SEMA5B: variants seen among roughly 807,000 people sequenced by gnomAD.
SEMA5B encodes the protein semaphorin-5B.
In SEMA5B, 66 loss-of-function variants were observed where a neutral mutation model predicts 135.0. The observed-to-expected ratio is 0.49, with a 90% CI of 0.40 to 0.60. The LOEUF (loss-of-function observed/expected upper bound fraction) is 0.60. Ranked by LOEUF, SEMA5B falls within the 20% of genes least tolerant of loss-of-function variation. SEMA5B has a pLI of 0.00. For missense variants in SEMA5B, 1,501 were observed against 1,566.3 expected (o/e 0.96, Z 0.70); for synonymous variants, 690 against 639.5 (o/e 1.08, Z -1.19).
chr3:122,956,135 G>A (rs1034135115), intron 2 of SEMA5B, among the ~76,000 whole-genome samples: 1 of 152,232 alleles, frequency 6.6e-6, no homozygotes, highest in Non-Finnish European at 1.5e-5. Flanking sequence ...CTCTAGGAGT[G>A]GGGGAGGGGA....
chr3:122,922,527 C>T (rs1263857195), intron 10 of SEMA5B, 80 bp from the exon 11 acceptor site: 2 of 1,332,824 alleles, frequency 1.5e-6, no homozygotes, highest in African/African-American at 1.4e-5. Context: ...CTCCTGGCAA[C>T]CCAGGTGGCC....
intron 1 of SEMA5B, among the ~76,000 whole-genome samples, chr3:123,025,154 T>G (rs978713298): frequency 3.3e-5 from 5 of 152,240 alleles, no homozygotes; most frequent in Non-Finnish European, 7.3e-5. Context: ...TCTGGTTTTC[T>G]AGTCTGGCAC....
intron 1 of SEMA5B, among the ~76,000 whole-genome samples, chr3:123,004,390 A>G (rs898898997): frequency 2.0e-5 from 3 of 152,226 alleles, no homozygotes; most frequent in African/African-American, 7.2e-5. Context: ...GCGTAAGCAA[A>G]TTGTCCCATA....
At chr3:122,947,814 G>T (rs935740248) in intron 3 of SEMA5B, among the ~76,000 whole-genome samples, 1 of 152,120 alleles carries the variant, frequency 6.6e-6, no homozygotes, top group African/African-American at 2.4e-5. Context: ...GGTTCAAGAA[G>T]TACTAATGTG....
intron 1 of SEMA5B, among the ~76,000 whole-genome samples, chr3:122,966,154 C>G (rs1240445291): frequency 6.6e-6 from 1 of 152,192 alleles, no homozygotes; most frequent in Non-Finnish European, 1.5e-5. Context: ...CCCCCACACT[C>G]TTATTTGGCA....
intron 1 of SEMA5B, among the ~76,000 whole-genome samples, chr3:122,962,834 G>C (rs971640660): frequency 6.6e-6 from 1 of 151,594 alleles, no homozygotes; most frequent in Non-Finnish European, 1.5e-5. Flanking sequence ...CCAACCCCCT[G>C]ACCCCCCATG....
chr3:123,018,532 A>G (rs1277120049), intron 1 of SEMA5B, among the ~76,000 whole-genome samples: 1 of 152,228 alleles, frequency 6.6e-6, no homozygotes, highest in Non-Finnish European at 1.5e-5. Context: ...ATATTCATAA[A>G]TAAGCACAGA....
At chr3:122,983,167 G>A (rs1415463530) in intron 1 of SEMA5B, among the ~76,000 whole-genome samples, 1 of 152,200 alleles carries the variant, frequency 6.6e-6, no homozygotes, top group Non-Finnish European at 1.5e-5. Context: ...AGTCAATTTT[G>A]AGGGGCAGCT....
Position 122,997,519 on chromosome 3 carries a change from C to CTCCCCCA in SEMA5B, c.-39+29944_-39+29945insTGGGGGA. ...CTACCTGGCTGGTCCCCAGGCCTCT[C>CTCCCCCA]CCCCCCCCGTCTCCACCAGGGCATG... On this transcript the variant is annotated intron_variant, in intron 1 of 22. Coordinates refer to ENST00000357599, the MANE Select transcript of SEMA5B (RefSeq NM_001031702.4). Among the ~76,000 whole-genome samples, 3 of 129,980 alleles carry CTCCCCCA rather than the reference C, an allele frequency of 2.3e-5. No individual in the cohort carries two copies. The South Asian group carries it at 8.2e-4, about 35-fold the overall frequency. The allele number at this position is 129,980 out of a possible 152,430, so 85.3% of individuals were successfully genotyped here.
chr3:122,937,096 G>C (rs1032168707), intron 5 of SEMA5B, among the ~76,000 whole-genome samples: 3 of 152,258 alleles, frequency 2.0e-5, no homozygotes, highest in Admixed American at 6.5e-5. Context: ...ATAATGGGGA[G>C]TTTTAACCCA....
chr3:122,913,808 T>C, intron 15 of SEMA5B, 50 bp downstream of exon 15: 1 of 1,566,210 alleles, frequency 6.4e-7, no homozygotes, highest in Non-Finnish European at 8.7e-7. Flanking sequence ...GGCCACTTTC[T>C]GGGGGGCCCG....
At chr3:122,944,735 T>C (rs548097917) in intron 3 of SEMA5B, among the ~76,000 whole-genome samples, 20 of 152,232 alleles carry the variant, frequency 1.3e-4, no homozygotes, top group Middle Eastern at 3.4e-3. Context: ...GCTTAGAAAG[T>C]GCCAGCTGAC....
At chr3:122,976,066 T>G in intron 1 of SEMA5B, 1 of 1,535,260 alleles carries the variant, frequency 6.5e-7, no homozygotes, top group South Asian at 1.2e-5. Flanking sequence ...AGCTCATCTA[T>G]GAAGCTCCTT....
In SEMA5B at chr3:123,022,204, C is replaced by T. The variant is rs1010331503; in HGVS notation, c.-39+5260G>A. Among the ~76,000 whole-genome samples the T allele has an allele frequency of 3.3e-5, 5 of 152,192 alleles. 1 individual carries two copies. Among genetic ancestry groups the T allele is most frequent in the Non-Finnish European group, 7.3e-5 (5 of 68,030 alleles). ...GCCTCCCTCATTTCTAACCCAGCCT[C>T]CCCACTCTGTAACTGAAACCTGTAA... On this transcript the variant is annotated intron_variant, in intron 1 of 22. Coordinates refer to ENST00000357599, the MANE Select transcript of SEMA5B (RefSeq NM_001031702.4).
chr3:123,006,361 A>C (rs1942310354), intron 1 of SEMA5B, among the ~76,000 whole-genome samples: 1 of 152,220 alleles, frequency 6.6e-6, no homozygotes, highest in African/African-American at 2.4e-5. Context: ...TCCAGGAACT[A>C]ACAAATGCTC....
intron 1 of SEMA5B, among the ~76,000 whole-genome samples, chr3:122,990,615 A>G (rs779474493): frequency 6.6e-6 from 1 of 151,096 alleles, no homozygotes; most frequent in Non-Finnish European, 1.5e-5. Flanking sequence ...ATACATGTGC[A>G]CACACACACA....
At chr3:123,028,215 C>T (rs1448963343), upstream of SEMA5B, among the ~76,000 whole-genome samples, 2 of 152,234 alleles carry the variant, frequency 1.3e-5, no homozygotes, top group Admixed American at 1.3e-4. Flanking sequence ...TCCCCAGCCC[C>T]GTCAGTTCGG....
intron 14 of SEMA5B, among the ~76,000 whole-genome samples, chr3:122,915,057 A>G (rs1441224916): frequency 6.6e-6 from 1 of 152,166 alleles, no homozygotes; most frequent in East Asian, 1.9e-4. Flanking sequence ...TTAGGTGGCT[A>G]GGCCACGGCC....
At chr3:122,975,761 T>C (rs1003998938) in intron 1 of SEMA5B, among the ~76,000 whole-genome samples, 5 of 151,948 alleles carry the variant, frequency 3.3e-5, no homozygotes, top group African/African-American at 1.2e-4. Flanking sequence ...CTCCAATCCA[T>C]CCTACACAAA....
Sources: allele counts gnomAD v4.1 joint callset (sites outside exome capture counted in the v4.1 genomes callset), GRCh38; gene constraint gnomAD v4.1.1; transcripts MANE v1.5; gene names NCBI Gene and HGNC (gene_info 2026-07-23, HGNC 2026-07-21).